RYR2: variants seen among roughly 807,000 people sequenced by gnomAD.
RYR2 encodes cardiac muscle ryanodine receptor-calcium release channel.
A neutral mutation model predicts 601.1 loss-of-function variants in RYR2; 227 were observed. The ratio of observed to expected loss-of-function variants is 0.38; its 90% confidence interval spans 0.34 to 0.42. The LOEUF is 0.42. Ranked by LOEUF, RYR2 falls within the 10% of genes least tolerant of loss-of-function variation. The pLI, the probability that RYR2 is intolerant of heterozygous loss-of-function variation, is 1.00. For missense variants in RYR2, 4,646 were observed against 6,156.5 expected, an observed-to-expected ratio of 0.75 and a Z score of 8.21; for synonymous variants, 2,223 against 2,175.1, an observed-to-expected ratio of 1.02 and a Z score of -0.61.
At chr1:237,313,957 G>GTT (rs34046795) in intron 2 of RYR2, among the ~76,000 whole-genome samples, 25 of 91,854 alleles carry the variant, frequency 2.7e-4, no homozygotes, top group African/African-American at 6.0e-4. Context: ...ATTTTCAGGT[G>GTT]TTTTTTTTTT....
chr1:237,624,412 G>A (rs1679424231), intron 39 of RYR2, among the ~76,000 whole-genome samples: 1 of 152,200 alleles, frequency 6.6e-6, no homozygotes, highest in African/African-American at 2.4e-5. Flanking sequence ...ATGGATTTAT[G>A]TCTGTTCCTG....
At chr1:237,153,877 T>G (rs907073719) in intron 1 of RYR2, among the ~76,000 whole-genome samples, 1 of 152,214 alleles carries the variant, frequency 6.6e-6, no homozygotes, top group African/African-American at 2.4e-5. Flanking sequence ...TTTGTTTTGT[T>G]TTTTATTCTG....
chr1:237,701,996 C>A lies in RYR2; in HGVS notation c.9386C>A (p.Ser3129Tyr). The change falls in exon 66 of 105, where the codon TCT (serine) becomes TAT (tyrosine). Residue 3129 changes from serine (S) to tyrosine (Y), a missense_variant. Ser to Tyr is a moderately radical substitution (Grantham distance 144, BLOSUM62 -2). This residue lies in a region of RYR2 where 1,497 missense variants were observed against 1,842.6 expected (regional missense o/e 0.81). Coordinates refer to ENST00000366574, the MANE Select transcript of RYR2 (RefSeq NM_001035.3). ...EDLILEDVQV[S>Y]CYRILTSLYA... Reference sequence around the variant, plus strand: ...TCCTTAGTGGAAGATGTCCAGGTGTCTTGTTATAGAATTCTGACTAGCTTA... The same window carrying A: ...TCCTTAGTGGAAGATGTCCAGGTGTATTGTTATAGAATTCTGACTAGCTTA... 1 of 1,603,960 alleles carries A rather than the reference C, an allele frequency of 6.2e-7. No individual in the cohort carries two copies.
At chr1:237,444,671 T>C (rs529451400) in intron 13 of RYR2, among the ~76,000 whole-genome samples, 3 of 152,308 alleles carry the variant, frequency 2.0e-5, no homozygotes, top group African/African-American at 7.2e-5. Flanking sequence ...TGAGATACCG[T>C]AATGTTTTCT....
chr1:237,294,350 T>A (rs1572504398), intron 2 of RYR2, among the ~76,000 whole-genome samples: 1 of 152,132 alleles, frequency 6.6e-6, no homozygotes, highest in Non-Finnish European at 1.5e-5. Flanking sequence ...AAATGCATTT[T>A]TCCAGGTAGC....
intron 32 of RYR2, among the ~76,000 whole-genome samples, chr1:237,592,688 G>C (rs1186360813): frequency 6.7e-6 from 1 of 150,294 alleles, no homozygotes; most frequent in African/African-American, 2.4e-5. Flanking sequence ...AGAAAGGAAA[G>C]GCCAAGAACA....
At chr1:237,351,459 G>A (rs1394883081) in intron 3 of RYR2, among the ~76,000 whole-genome samples, 2 of 151,624 alleles carry the variant, frequency 1.3e-5, no homozygotes, top group Non-Finnish European at 2.9e-5. Flanking sequence ...GACTGAATAC[G>A]AAAAAGAGAG....
intron 1 of RYR2, among the ~76,000 whole-genome samples, chr1:237,091,645 G>A (rs1255125222): frequency 2.0e-5 from 3 of 152,072 alleles, no homozygotes; most frequent in African/African-American, 2.4e-5. Context: ...GGCTGGTCTC[G>A]AACTTCTGGG....
At chr1:237,466,749 G>T (rs1411625677) in intron 16 of RYR2, among the ~76,000 whole-genome samples, 2 of 151,614 alleles carry the variant, frequency 1.3e-5, no homozygotes, top group Non-Finnish European at 2.9e-5. Context: ...ATTTAATTTT[G>T]CCTTGAGTAC....
chr1:237,730,188 T>C (rs1354388707), intron 76 of RYR2, 72 bp from the exon 77 acceptor site: 2 of 818,104 alleles, frequency 2.4e-6, no homozygotes, highest in African/African-American at 1.7e-5. Context: ...AATCTAGTAA[T>C]AAAGCACTAC....
rs201969013 is a variant in RYR2 at position 237,259,522 on chromosome 1, G to C, written c.49-10975G>C. 7.6e-5 allele frequency among the ~76,000 whole-genome samples: 6 copies of C among 78,506 alleles called. No homozygotes were observed. The East Asian group carries it at 1.3e-3, about 18-fold the overall frequency. 51.5% of individuals were successfully genotyped at this position (78,506 alleles called of 152,430 possible). ...CTCCAGCCTGGGCAACAGAGCTCTA[G>C]ACCATTTAAAAAAAAAAAAAAAAAA... is the stretch of plus-strand genomic sequence containing the variant. On this transcript the variant is annotated intron_variant, in intron 1 of 104. Coordinates refer to ENST00000366574, the MANE Select transcript of RYR2 (RefSeq NM_001035.3).
chr1:237,811,177 A>G (rs1250790479), intron 100 of RYR2, among the ~76,000 whole-genome samples: 2 of 152,212 alleles, frequency 1.3e-5, no homozygotes, highest in Non-Finnish European at 2.9e-5. Flanking sequence ...CACAATTAGT[A>G]TAACTACATG....
intron 1 of RYR2, among the ~76,000 whole-genome samples, chr1:237,072,268 C>A (rs1057409564): frequency 6.6e-6 from 1 of 152,232 alleles, no homozygotes; most frequent in Non-Finnish European, 1.5e-5. Flanking sequence ...GAGGGGCCAC[C>A]GCCGCCATCA....
chr1:237,738,005 C>A (rs557506795), intron 79 of RYR2, among the ~76,000 whole-genome samples: 1 of 152,236 alleles, frequency 6.6e-6, no homozygotes, highest in East Asian at 1.9e-4. Context: ...TGGAAGCTGT[C>A]TTTCCTCATT....
chr1:237,183,240 T>C (rs1018131007), intron 1 of RYR2, among the ~76,000 whole-genome samples: 3 of 152,172 alleles, frequency 2.0e-5, no homozygotes, highest in African/African-American at 7.2e-5. Flanking sequence ...ATTTGCTAGA[T>C]ATATTAGTAG....
intron 20 of RYR2, among the ~76,000 whole-genome samples, chr1:237,499,734 A>G (rs572804194): frequency 8.5e-5 from 13 of 152,290 alleles, no homozygotes; most frequent in Non-Finnish European, 1.8e-4. Context: ...TGGTAGAGAT[A>G]TTGGCATGCT....
intron 1 of RYR2, among the ~76,000 whole-genome samples, chr1:237,247,968 G>C (rs2149260858): frequency 6.6e-6 from 1 of 152,188 alleles, no homozygotes; most frequent in South Asian, 2.1e-4. Flanking sequence ...AATCTGAGTA[G>C]AAGTGATACA....
intron 51 of RYR2, 47 bp downstream of exon 51, chr1:237,651,548 A>ACTTTATT (rs886111284): frequency 5.0e-6 from 6 of 1,193,332 alleles, no homozygotes; most frequent in Admixed American, 2.2e-5. Context: ...GGCTTCTCTG[A>ACTTTATT]CTTTATTTTC....
intron 80 of RYR2, among the ~76,000 whole-genome samples, chr1:237,755,999 C>A (rs967162052): frequency 5.3e-5 from 8 of 151,786 alleles, no homozygotes; most frequent in African/African-American, 1.9e-4. Context: ...AAGTACAGTA[C>A]TTCAAAACTG....
Sources: gnomAD v4.1 joint callset for allele counts (sites outside exome capture counted in the v4.1 genomes callset) on GRCh38, gnomAD v4.1.1 for gene constraint, gnomAD v4.1.1 regional missense constraint, MANE v1.5 for transcripts, NCBI Gene and HGNC (gene_info 2026-07-23, HGNC 2026-07-21) for gene names.